Variants in BBS9 observed in about 807,000 individuals in gnomAD.
The protein encoded by BBS9 is protein PTHB1.
Under a neutral mutation model 117.7 loss-of-function variants are expected in BBS9, and 89 were observed. That is an observed-to-expected ratio of 0.76 (90% CI 0.64 to 0.90). The LOEUF (loss-of-function observed/expected upper bound fraction) is 0.90, where lower values mean the gene tolerates loss of function less well. BBS9 is among the 40% of genes least tolerant of loss of function. BBS9 has a pLI of 0.00. For missense variants in BBS9, 982 were observed against 1,042.2 expected, an observed-to-expected ratio of 0.94 and a Z score of 0.80; for synonymous variants, 379 against 370.9, an observed-to-expected ratio of 1.02 and a Z score of -0.25.
chr7:33,602,682 T>A (rs1863980880), intron 21 of BBS9, among the ~76,000 whole-genome samples: 4 of 152,056 alleles, frequency 2.6e-5, no homozygotes, highest in Admixed American at 2.6e-4. Flanking sequence ...TGAGCCGAGT[T>A]CACGCCATTG....
intron 9 of BBS9, among the ~76,000 whole-genome samples, chr7:33,274,615 G>T (rs906373257): frequency 5.3e-5 from 8 of 152,148 alleles, no homozygotes; most frequent in African/African-American, 1.9e-4. Flanking sequence ...ATCAGCAAAC[G>T]TATAGAAATA....
At chr7:33,247,800 A>T (rs996457741) in intron 5 of BBS9, among the ~76,000 whole-genome samples, 1 of 152,206 alleles carries the variant, frequency 6.6e-6, no homozygotes, top group Non-Finnish European at 1.5e-5. Flanking sequence ...TGATCGTTCC[A>T]TCTGACAAAA....
At chr7:33,279,555 G>A (rs1236378190) in intron 9 of BBS9, among the ~76,000 whole-genome samples, 3 of 152,180 alleles carry the variant, frequency 2.0e-5, no homozygotes, top group Non-Finnish European at 4.4e-5. Flanking sequence ...AGAAATGTTG[G>A]ATTTAGATCA....
chr7:33,574,684 A>AACAC (rs371229936), intron 21 of BBS9, among the ~76,000 whole-genome samples: 37,479 of 136,824 alleles, frequency 0.27, 5,967 homozygotes, highest in Admixed American at 0.37. Context: ...AGTCATAGAA[A>AACAC]ACACACACAC....
At chr7:33,255,992 A>G (rs954409256) in intron 5 of BBS9, among the ~76,000 whole-genome samples, 4 of 151,900 alleles carry the variant, frequency 2.6e-5, no homozygotes, top group African/African-American at 9.7e-5. Flanking sequence ...CCCTGTCTCT[A>G]CTAAAAGTAC....
At chr7:33,320,528 T>C (rs1472021470) in intron 9 of BBS9, among the ~76,000 whole-genome samples, 2 of 152,306 alleles carry the variant, frequency 1.3e-5, no homozygotes, top group East Asian at 3.9e-4. Context: ...ATCTTGGCTA[T>C]TGTGAATAGT....
intron 4 of BBS9, among the ~76,000 whole-genome samples, chr7:33,168,155 A>G (rs565604300): frequency 6.6e-6 from 1 of 152,306 alleles, no homozygotes; most frequent in South Asian, 2.1e-4. Flanking sequence ...TGGCTGCTTC[A>G]GGTGCCCTCT....
At chr7:33,281,895 G>A (rs1180376898) in intron 9 of BBS9, among the ~76,000 whole-genome samples, 2 of 151,814 alleles carry the variant, frequency 1.3e-5, no homozygotes, top group African/African-American at 4.8e-5. Context: ...GCTCACTGCT[G>A]CCTTGATCTC....
At chr7:33,370,297 A>T (rs181954843) in intron 17 of BBS9, among the ~76,000 whole-genome samples, 34 of 122,686 alleles carry the variant, frequency 2.8e-4, no homozygotes, top group African/African-American at 7.0e-4. Flanking sequence ...GTCCCTATTT[A>T]AAAAAAAAAA....
intron 21 of BBS9, among the ~76,000 whole-genome samples, chr7:33,560,442 C>G (rs536523618): frequency 8.6e-4 from 131 of 152,288 alleles, no homozygotes; most frequent in African/African-American, 3.0e-3. Context: ...TTGCCGTTAA[C>G]TTTGTGAAAT....
At chr7:33,549,908 C>T (rs1585218071) in intron 21 of BBS9, among the ~76,000 whole-genome samples, 2 of 152,174 alleles carry the variant, frequency 1.3e-5, no homozygotes, top group African/African-American at 4.8e-5. Flanking sequence ...TTTTGTATCA[C>T]ATCAAAAATA....
intron 21 of BBS9, among the ~76,000 whole-genome samples, chr7:33,623,330 C>T (rs1865497768): frequency 6.6e-6 from 1 of 151,108 alleles, no homozygotes; most frequent in Non-Finnish European, 1.5e-5. Flanking sequence ...CAAATTAAAA[C>T]ACAATATTTT....
At chr7:33,452,127 C>G (rs1384562403) in intron 19 of BBS9, among the ~76,000 whole-genome samples, 1 of 152,186 alleles carries the variant, frequency 6.6e-6, no homozygotes, top group East Asian at 1.9e-4. Flanking sequence ...AGCCACTGCA[C>G]CTGGCCACCA....
intron 20 of BBS9, among the ~76,000 whole-genome samples, chr7:33,531,385 G>A (rs954379883): frequency 1.3e-5 from 2 of 152,172 alleles, no homozygotes; most frequent in African/African-American, 4.8e-5. Flanking sequence ...AGAGAGCAGA[G>A]GCAACTGGAG....
At chr7:33,262,761 T>C (rs2128322537) in intron 6 of BBS9, among the ~76,000 whole-genome samples, 1 of 152,310 alleles carries the variant, frequency 6.6e-6, no homozygotes, top group Middle Eastern at 3.4e-3. Context: ...TGCCTTTGCA[T>C]TTGTTATTTG....
chr7:33,499,244 T>G (rs1845134862), intron 19 of BBS9, among the ~76,000 whole-genome samples: 1 of 152,204 alleles, frequency 6.6e-6, no homozygotes, highest in Non-Finnish European at 1.5e-5. Context: ...ACAGCTATGT[T>G]GGATGTTAGA....
chr7:33,265,730 CT>C (rs1798699102), intron 7 of BBS9, among the ~76,000 whole-genome samples: 1 of 152,068 alleles, frequency 6.6e-6, no homozygotes, highest in Non-Finnish European at 1.5e-5. Flanking sequence ...GTAGTTCTAG[CT>C]CCTTGGGAGG....
At chr7:33,253,775 A>G (rs752795980) in intron 5 of BBS9, among the ~76,000 whole-genome samples, 1 of 152,176 alleles carries the variant, frequency 6.6e-6, no homozygotes. Flanking sequence ...AGGGGAGGGA[A>G]GTGTATAGTT....
intron 19 of BBS9, among the ~76,000 whole-genome samples, chr7:33,395,453 T>C (rs1162612361): frequency 6.6e-6 from 1 of 152,222 alleles, no homozygotes; most frequent in Non-Finnish European, 1.5e-5. Context: ...GTTTTGATGC[T>C]ATTACATGTG....
Sources: gnomAD v4.1 joint callset for allele counts (sites outside exome capture counted in the v4.1 genomes callset) on GRCh38, gnomAD v4.1.1 for gene constraint, MANE v1.5 for transcripts, NCBI Gene and HGNC (gene_info 2026-07-23, HGNC 2026-07-21) for gene names.